Variants in ANKK1 observed in about 807,000 individuals in gnomAD.
ANKK1 encodes ankyrin repeat and kinase domain containing 1.
Under a neutral mutation model 37.6 loss-of-function variants are expected in ANKK1, and 37 were observed. That is an observed-to-expected ratio of 0.98 (90% CI 0.76 to 1.29). The LOEUF is 1.29. Ranked by LOEUF, ANKK1 falls within the 50% of genes most tolerant of loss-of-function variation. The probability of loss-of-function intolerance (pLI) is 0.00; values close to 1 mark genes in which losing one functional copy is unlikely to be tolerated. For missense variants in ANKK1, 1,019 were observed against 990.6 expected, an observed-to-expected ratio of 1.03 and a Z score of -0.39; for synonymous variants, 415 against 418.7, an observed-to-expected ratio of 0.99 and a Z score of 0.11.
Position 113,393,464 on chromosome 11 carries a change from G to T in ANKK1, c.186-17G>T. On this transcript the variant is annotated splice_polypyrimidine_tract_variant and intron_variant, in intron 1 of 7. Coordinates refer to ENST00000303941, the MANE Select transcript of ANKK1 (RefSeq NM_178510.2). Reference sequence around the variant, plus strand: ...AATGGGTCACCCCCTTCCATATCTTGCTCCCCCTCTCCATAGCTCTGATGT... The same window carrying T: ...AATGGGTCACCCCCTTCCATATCTTTCTCCCCCTCTCCATAGCTCTGATGT... The T allele has an allele frequency of 1.3e-6, 2 of 1,599,566 alleles. No individual in the cohort carries two copies. The highest frequency in any genetic ancestry group is 1.1e-5 in the South Asian group (1 of 88,724).
At chr11:113,394,869 A>T in intron 2 of ANKK1, 60 bp from the exon 3 acceptor site, 1 of 1,595,276 alleles carries the variant, frequency 6.3e-7, no homozygotes, top group Non-Finnish European at 8.6e-7. Context: ...GAGAAGCCAT[A>T]GCCGTTTTCT....
chr11:113,395,044 G>A lies in ANKK1; in HGVS notation c.596G>A (p.Ser199Asn), dbSNP rs1290635940. ...ATCCCCCCTGAGATGTTCCTGGAGA[G>A]TAACAAGGCCCCAGGACCTAAATAT... ...SYIPPEMFLE[S>N]NKAPGPKYDV... Residue 199 changes from serine (S) to asparagine (N), a missense_variant, in exon 3 of 8, where the codon AGT becomes AAT. Physicochemically the swap from Ser to Asn is conservative, Grantham distance 46. Coordinates refer to ENST00000303941, the MANE Select transcript of ANKK1 (RefSeq NM_178510.2). The A allele has an allele frequency of 6.2e-7, 1 of 1,612,918 alleles. No homozygotes were observed. The highest frequency in any genetic ancestry group is 1.1e-5 in the South Asian group (1 of 90,756).
chr11:113,389,379 C>T (rs1335473318), intron 1 of ANKK1, among the ~76,000 whole-genome samples: 1 of 152,106 alleles, frequency 6.6e-6, no homozygotes, highest in East Asian at 1.9e-4. Flanking sequence ...ATCCTCTTTC[C>T]AGCTATTCAT....
intron 1 of ANKK1, among the ~76,000 whole-genome samples, chr11:113,390,554 G>A (rs1354744342): frequency 6.6e-6 from 1 of 152,182 alleles, no homozygotes; most frequent in East Asian, 1.9e-4. Context: ...GACCAATATG[G>A]TGAAACTCCA....
intron 2 of ANKK1, among the ~76,000 whole-genome samples, chr11:113,394,530 A>G (rs565235017): frequency 2.0e-5 from 3 of 152,182 alleles, no homozygotes; most frequent in East Asian, 1.9e-4. Flanking sequence ...ATAAATGTCC[A>G]TGGTGTGTTT....
At chr11:113,391,192 C>T (rs1309578751) in intron 1 of ANKK1, among the ~76,000 whole-genome samples, 1 of 152,208 alleles carries the variant, frequency 6.6e-6, no homozygotes, top group East Asian at 1.9e-4. Context: ...TGGGACCACA[C>T]TGGGCATGGT....
chr11:113,396,126 C>T lies in ANKK1; in HGVS notation c.742C>T (p.Pro248Ser). 6.2e-7 allele frequency: 1 copy of T among 1,614,032 alleles called. No individual in the cohort carries two copies. Among genetic ancestry groups the T allele is most frequent in the Non-Finnish European group, 8.5e-7 (1 of 1,179,906 alleles). Residue 248 changes from proline (P) to serine (S), a missense_variant, in exon 5 of 8, where the codon CCT (proline) becomes TCT (serine). Physicochemically the swap from Pro to Ser is moderately conservative, Grantham distance 74. Coordinates refer to ENST00000303941, the MANE Select transcript of ANKK1 (RefSeq NM_178510.2). ...GGCAGGCATGCGGCCCTCCCTACAG[C>T]CTGTCTCTGACCAATGGCCAAGCGA... ...VAAGMRPSLQ[P>S]VSDQWPSEAQ...
At chr11:113,388,203 C>T (rs1950561766) in intron 1 of ANKK1, 134 bp downstream of exon 1, 1 of 1,218,282 alleles carries the variant, frequency 8.2e-7, no homozygotes, top group Non-Finnish European at 1.1e-6. Flanking sequence ...TTTCTGAATT[C>T]CACCCAGTAG....
chr11:113,395,069 T>C lies in ANKK1; in HGVS notation c.621T>C (p.Tyr207=), dbSNP rs748510327. Residue 207 remains tyrosine (Y), a synonymous_variant, in exon 3 of 8, where the codon TAT becomes TAC. Coordinates refer to ENST00000303941, the MANE Select transcript of ANKK1 (RefSeq NM_178510.2). The part of the protein sequence containing the change: ...LESNKAPGPK[Y]DVYSFAIVIW... Reference sequence around the variant, plus strand: ...GTAACAAGGCCCCAGGACCTAAATATGATGTGTACAGGTGAGAAGGAGGCC... The same window carrying C: ...GTAACAAGGCCCCAGGACCTAAATACGATGTGTACAGGTGAGAAGGAGGCC... 25 of 1,609,802 alleles carry C rather than the reference T, an allele frequency of 1.6e-5. No homozygotes were observed. The highest frequency in any genetic ancestry group is 2.1e-5 in the Non-Finnish European group (25 of 1,177,974).
chr11:113,395,130 G>T, intron 3 of ANKK1, 50 bp downstream of exon 3: 6 of 1,555,578 alleles, frequency 3.9e-6, no homozygotes, highest in Non-Finnish European at 5.2e-6. Context: ...GCAGTTTGCT[G>T]CCACCACCCT....
rs768585529 is a variant in ANKK1, at chr11:113,393,768, A to T, written c.473A>T (p.His158Leu). 6.2e-7 allele frequency: 1 copy of T among 1,600,612 alleles called. No homozygotes were observed. The highest frequency in any genetic ancestry group is 8.5e-7 in the Non-Finnish European group (1 of 1,174,252). Residue 158 changes from histidine (H) to leucine (L), a missense_variant, in exon 2 of 8, where the codon CAT (histidine) becomes CTT (leucine). By Grantham distance (99) the His-to-Leu change is moderately conservative. Coordinates refer to ENST00000303941, the MANE Select transcript of ANKK1 (RefSeq NM_178510.2). ...AACATACTCCTGGACAGCAACATGCATGTCAAAGTAAGGGCTCTGGCCAAT... is the reference window on the plus strand; with the variant it reads ...AACATACTCCTGGACAGCAACATGCTTGTCAAAGTAAGGGCTCTGGCCAAT... ...PGNILLDSNMHVKISDFGLSK... is the reference protein window; with the variant it reads ...PGNILLDSNMLVKISDFGLSK...
chr11:113,398,881 C>T, intron 7 of ANKK1, 83 bp from the exon 8 acceptor site: 1 of 1,281,526 alleles, frequency 7.8e-7, no homozygotes, highest in Admixed American at 2.4e-5. Context: ...CTGGATGGTA[C>T]TTCCAGGAGG....
In ANKK1 at chr11:113,399,362, C is replaced by T. The variant is rs745661789; in HGVS notation, c.1393C>T (p.Leu465Phe). The change falls in exon 8 of 8, where the codon CTT becomes TTT. Residue 465 changes from leucine (L) to phenylalanine (F), a missense_variant. By Grantham distance (22) the Leu-to-Phe change is conservative. Transcript: ENST00000303941. ...DAQEREGWTP[L>F]HLAAQNNFEN... The stretch of plus-strand genomic sequence containing the variant: ...CCAGGAACGTGAAGGGTGGACCCCT[C>T]TTCACCTGGCTGCACAGAATAACTT... The T allele has an allele frequency of 6.2e-6, 10 of 1,600,476 alleles. No homozygotes were observed. In the South Asian group the frequency reaches 1.0e-4, roughly 16 times the overall value.
At chr11:113,390,380 C>T (rs528891737) in intron 1 of ANKK1, among the ~76,000 whole-genome samples, 1 of 152,292 alleles carries the variant, frequency 6.6e-6, no homozygotes, top group African/African-American at 2.4e-5. Context: ...TCATGGACAT[C>T]AGAGTAAAGG....
rs776006454 is a variant in ANKK1 at position 113,397,991 on chromosome 11, C to T, written c.969C>T (p.Asp323=). ...SLRQPGEVNE[D]ISQELMDSDS... ...TTATGCCTCCCCAGGTTAATGAGGA[C>T]ATCAGCCAGGAACTGATGGACAGTG... Residue 323 remains aspartate (D), a synonymous_variant, in exon 7 of 8, where the codon GAC becomes GAT. Transcript: ENST00000303941. The T allele has an allele frequency of 2.6e-6, 4 of 1,563,220 alleles. No homozygotes were observed. Among genetic ancestry groups the T allele is most frequent in the Non-Finnish European group, 3.5e-6 (4 of 1,153,332 alleles).
intron 4 of ANKK1, 147 bp downstream of exon 4, chr11:113,395,555 A>C (rs1018560731): frequency 1.2e-6 from 1 of 833,930 alleles, no homozygotes. Context: ...TCCTCTCCTC[A>C]CCCTCCTTCC....
rs914122175 is a variant in ANKK1, at chr11:113,387,812, G to A, written c.-73G>A. On this transcript the variant is annotated 5_prime_UTR_variant, in exon 1 of 8. Transcript: ENST00000303941. The stretch of plus-strand genomic sequence containing the variant: ...CTCCCGGACCCGAGGAGCAGGAAGC[G>A]GCGGCTCCTTCGGCCACCCAGGCAG... 6 of 1,414,886 alleles carry A rather than the reference G, an allele frequency of 4.2e-6. No homozygotes were observed. Among genetic ancestry groups the A allele is most frequent in the Non-Finnish European group, 5.6e-6 (6 of 1,078,628 alleles). 87.6% of individuals were successfully genotyped at this position (1,414,886 alleles called of 1,614,324 possible).
chr11:113,390,358 C>T (rs79893539), intron 1 of ANKK1, among the ~76,000 whole-genome samples: 2,752 of 152,258 alleles, frequency 0.018, 33 homozygotes, highest in Middle Eastern at 0.048. Context: ...TTTAAACAAC[C>T]AAGAAGAGTT....
intron 1 of ANKK1, among the ~76,000 whole-genome samples, chr11:113,390,063 G>A (rs1193857909): frequency 6.6e-6 from 1 of 152,148 alleles, no homozygotes; most frequent in African/African-American, 2.4e-5. Flanking sequence ...CACCCGACTT[G>A]GTGCTGGATT....
Sources: allele counts gnomAD v4.1 joint callset (sites outside exome capture counted in the v4.1 genomes callset), GRCh38; gene constraint gnomAD v4.1.1; transcripts MANE v1.5; gene names NCBI Gene and HGNC (gene_info 2026-07-23, HGNC 2026-07-21).